The following SLC6A2 variants were observed in gnomAD, a reference collection of about 807,000 sequenced individuals.
The protein encoded by SLC6A2 is sodium-dependent noradrenaline transporter.
In SLC6A2, 26 loss-of-function variants were observed where a neutral mutation model predicts 71.7. The ratio of observed to expected loss-of-function variants is 0.36; its 90% confidence interval spans 0.27 to 0.50. The LOEUF (loss-of-function observed/expected upper bound fraction) is 0.50. SLC6A2 is among the 20% of genes least tolerant of loss of function. The pLI is 0.96. For missense variants in SLC6A2, 581 were observed against 803.9 expected, an observed-to-expected ratio of 0.72 and a Z score of 3.35; for synonymous variants, 363 against 337.9, an observed-to-expected ratio of 1.07 and a Z score of -0.82.
At position 55,702,644 on chromosome 16, in the gene SLC6A2, C is replaced by A; in HGVS notation, c.*298C>A. 6 of 1,333,080 alleles carry A rather than the reference C, an allele frequency of 4.5e-6. No individual in the cohort carries two copies. The highest frequency in any genetic ancestry group is 5.8e-6 in the Non-Finnish European group (6 of 1,037,956). The allele number at this position is 1,333,080 out of a possible 1,614,324, so 82.6% of individuals were successfully genotyped here. A position where few individuals can be genotyped will look rare whatever the true frequency, so the allele number is the denominator to read the frequency against. ...TTTGGGATCCTGCTGAAGCTAGGTT[C>A]ATGAGGTCGGAAATCCCCACCACAT... On this transcript the variant is annotated 3_prime_UTR_variant, in exon 15 of 15. Coordinates refer to ENST00000568943, the MANE Select transcript of SLC6A2 (RefSeq NM_001172501.3).
At chr16:55,686,819 C>G (rs1965466447) in intron 5 of SLC6A2, among the ~76,000 whole-genome samples, 1 of 152,188 alleles carries the variant, frequency 6.6e-6, no homozygotes, top group Non-Finnish European at 1.5e-5. Context: ...TAGCGTTGAG[C>G]AAAACCAGGA....
At chr16:55,678,327 C>T (rs976546986) in intron 4 of SLC6A2, among the ~76,000 whole-genome samples, 4 of 151,730 alleles carry the variant, frequency 2.6e-5, no homozygotes, top group South Asian at 2.1e-4. Flanking sequence ...TTTTTAATGG[C>T]GTGATGCCCT....
chr16:55,678,750 TA>T (rs1239697524), intron 4 of SLC6A2, among the ~76,000 whole-genome samples: 1 of 152,226 alleles, frequency 6.6e-6, no homozygotes, highest in Non-Finnish European at 1.5e-5. Context: ...TGAGCTTTTT[TA>T]GTGTGTAGAC....
intron 11 of SLC6A2, 125 bp downstream of exon 11, chr16:55,698,693 A>G (rs915598525): frequency 6.8e-6 from 5 of 737,000 alleles, no homozygotes; most frequent in Non-Finnish European, 1.2e-5. Context: ...CAAGTCACTT[A>G]TTGGGAACAA....
intron 4 of SLC6A2, among the ~76,000 whole-genome samples, chr16:55,676,847 G>A (rs553812000): frequency 1.8e-4 from 27 of 152,304 alleles, no homozygotes; most frequent in African/African-American, 6.0e-4. Flanking sequence ...GGCATTAAAA[G>A]TCTATTTGGA....
At chr16:55,675,810 C>T (rs1965068769) in intron 4 of SLC6A2, among the ~76,000 whole-genome samples, 1 of 152,074 alleles carries the variant, frequency 6.6e-6, no homozygotes, top group African/African-American at 2.4e-5. Flanking sequence ...AACAACAAAA[C>T]TTTAGGGCTC....
intron 4 of SLC6A2, among the ~76,000 whole-genome samples, chr16:55,675,655 C>T (rs572522362): frequency 2.6e-5 from 4 of 152,146 alleles, no homozygotes; most frequent in Admixed American, 6.5e-5. Context: ...AGGTGGTTAC[C>T]GAGCAGTTGA....
intron 11 of SLC6A2, 76 bp downstream of exon 11, chr16:55,698,644 T>A: frequency 9.8e-7 from 1 of 1,025,424 alleles, no homozygotes; most frequent in South Asian, 1.3e-5. Context: ...AGGGAGGCCT[T>A]CCATTTCCAG....
rs1485104148 is a variant in SLC6A2 at position 55,705,946 on chromosome 16, C to T, written c.*3600C>T. The T allele has an allele frequency of 1.3e-5, 2 of 152,232 alleles. No individual in the cohort carries two copies. The highest frequency in any genetic ancestry group is 6.5e-5 in the Admixed American group (1 of 15,280). 9.4% of individuals were successfully genotyped at this position (152,232 alleles called of 1,614,324 possible). A position where few individuals can be genotyped will look rare whatever the true frequency, so the allele number is the denominator to read the frequency against. On this transcript the variant is annotated 3_prime_UTR_variant, in exon 15 of 15. Coordinates refer to ENST00000568943, the MANE Select transcript of SLC6A2 (RefSeq NM_001172501.3). The stretch of plus-strand genomic sequence containing the variant: ...CATACCCTGTGAGTCCCAGGATCCA[C>T]AGCTCTGCTGTGGTCTTAGAAGCCA...
chr16:55,681,781 A>G (rs190723241), intron 4 of SLC6A2, among the ~76,000 whole-genome samples: 66 of 152,384 alleles, frequency 4.3e-4, no homozygotes, highest in Non-Finnish European at 8.5e-4. Flanking sequence ...CAGACAGACA[A>G]TTGATCTTAT....
In SLC6A2 at chr16:55,656,795, T is replaced by C. The variant is rs747286304; in HGVS notation, c.101T>C (p.Leu34Pro). ...PLRARKTAEL[L>P]VVKERNGVQC... ...CGGGCGCGCAAAACTGCGGAGCTGC[T>C]GGTGGTGAAGGAGCGCAACGGCGTC... Residue 34 changes from leucine (L) to proline (P), a missense_variant, in exon 2 of 15, where the codon CTG (leucine) becomes CCG (proline). Around this residue, in one of 5 missense-constraint regions of SLC6A2, gnomAD observed 76 missense variants for 79.9 expected, o/e 0.95. Transcript: ENST00000568943. The surrounding 1 kb of genome is among the most constrained non-coding windows in gnomAD (Gnocchi z 4.5). The C allele has an allele frequency of 1.9e-6, 3 of 1,613,234 alleles. No individual in the cohort carries two copies. In the African/African-American group the frequency reaches 4.0e-5, roughly 22 times the overall value.
At chr16:55,676,336 T>C (rs1360315928) in intron 4 of SLC6A2, among the ~76,000 whole-genome samples, 6 of 152,172 alleles carry the variant, frequency 3.9e-5, no homozygotes, top group South Asian at 2.1e-4. Flanking sequence ...CTCCTATGTA[T>C]TATTTTGATT....
chr16:55,684,433 T>C (rs1170858794), intron 4 of SLC6A2, among the ~76,000 whole-genome samples: 1 of 152,244 alleles, frequency 6.6e-6, no homozygotes, highest in African/African-American at 2.4e-5. Context: ...GCCATAAACA[T>C]TCTAGAGCAT....
At chr16:55,697,756 C>A (rs36010) in intron 9 of SLC6A2, 141 bp from the exon 10 acceptor site, 39,328 of 781,954 alleles carry the variant, frequency 0.05, 2,489 homozygotes, top group East Asian at 0.25. Flanking sequence ...ATGGGGAAGG[C>A]AGGACGTGCT....
Position 55,702,687 on chromosome 16 carries a change from A to G in SLC6A2, c.*341A>G. 1 of 1,213,006 alleles carries G rather than the reference A, an allele frequency of 8.2e-7. No homozygotes were observed. The highest frequency in any genetic ancestry group is 1.0e-6 in the Non-Finnish European group (1 of 969,038). The allele number at this position is 1,213,006 out of a possible 1,614,324, so 75.1% of individuals were successfully genotyped here. On this transcript the variant is annotated 3_prime_UTR_variant, in exon 15 of 15. Coordinates refer to ENST00000568943, the MANE Select transcript of SLC6A2 (RefSeq NM_001172501.3). Reference sequence around the variant, plus strand: ...CACCACATTTGCCTAGACTTTGGGCACAGGAGTTCTTAGTCCACCAAATCA... The same window carrying G: ...CACCACATTTGCCTAGACTTTGGGCGCAGGAGTTCTTAGTCCACCAAATCA...
At chr16:55,670,227 G>A (rs9932255) in intron 3 of SLC6A2, among the ~76,000 whole-genome samples, 20 of 152,172 alleles carry the variant, frequency 1.3e-4, no homozygotes, top group African/African-American at 4.6e-4. Context: ...TGGGAGAAGG[G>A]CATGGAGGAA....
chr16:55,701,773 G>A (rs993272442), intron 13 of SLC6A2, 90 bp from the exon 14 acceptor site: 8 of 877,390 alleles, frequency 9.1e-6, no homozygotes, highest in African/African-American at 1.6e-5. Flanking sequence ...GGATCAAATA[G>A]CAGGTGGCCC....
chr16:55,693,672 A>G (rs1049299039), intron 6 of SLC6A2, among the ~76,000 whole-genome samples: 1 of 152,226 alleles, frequency 6.6e-6, no homozygotes. Context: ...GATGGCCATA[A>G]CCCTCTGTTC....
At chr16:55,659,336 G>A (rs1964547403) in intron 2 of SLC6A2, among the ~76,000 whole-genome samples, 1 of 152,172 alleles carries the variant, frequency 6.6e-6, no homozygotes, top group Middle Eastern at 3.2e-3. Flanking sequence ...GACACTGTGT[G>A]CTCTTTAGTC....
Sources: allele counts gnomAD v4.1 joint callset (sites outside exome capture counted in the v4.1 genomes callset), GRCh38; gene constraint gnomAD v4.1.1; regional missense constraint gnomAD v4.1.1; non-coding constraint Gnocchi (gnomAD v3.1); transcripts MANE v1.5; gene names NCBI Gene and HGNC (gene_info 2026-07-23, HGNC 2026-07-21).